SGCZ: variants seen among roughly 807,000 people sequenced by gnomAD.
SGCZ encodes zeta-sarcoglycan.
Under a neutral mutation model 41.3 loss-of-function variants are expected in SGCZ, and 40 were observed. That is an observed-to-expected ratio of 0.97 (90% CI 0.75 to 1.26). The LOEUF is 1.26. SGCZ is among the 50% of genes most tolerant of loss of function. The pLI is 0.00. For synonymous variants in SGCZ, 206 were observed against 137.5 expected, an observed-to-expected ratio of 1.50 and a Z score of -3.49; for missense variants, 552 against 369.8, an observed-to-expected ratio of 1.49 and a Z score of -4.04.
Position 14,237,651 on chromosome 8 carries a change from C to A in SGCZ, c.365G>T (p.Arg122Met), listed in dbSNP as rs1352310612. The A allele has an allele frequency of 1.2e-6, 2 of 1,613,828 alleles. No individual in the cohort carries two copies. Among genetic ancestry groups the A allele is most frequent in the Non-Finnish European group, 1.7e-6 (2 of 1,179,864 alleles). The change falls in exon 4 of 8, where the codon AGG (arginine) becomes ATG (methionine). Residue 122 changes from arginine to methionine, a missense_variant. Arg to Met is a moderately conservative substitution (Grantham distance 91). Transcript: ENST00000382080. ...KDSPLVLQSD[R>M]NVTVNARNHM... Reference sequence around the variant, plus strand: ...ATTTCTTGCATTCACTGTGACATTCCTGTCAGACTGTAAGACCAGCGGACT... The same window carrying A: ...ATTTCTTGCATTCACTGTGACATTCATGTCAGACTGTAAGACCAGCGGACT...
At chr8:15,052,265 G>A (rs780807678) in intron 1 of SGCZ, among the ~76,000 whole-genome samples, 3 of 152,190 alleles carry the variant, frequency 2.0e-5, no homozygotes, top group African/African-American at 7.2e-5. Context: ...AGCTGTGAGG[G>A]CTTCATGGAG....
chr8:14,945,582 A>C lies in SGCZ; in HGVS notation c.39+292003T>G, dbSNP rs552832679. On this transcript the variant is annotated intron_variant, in intron 1 of 7. Coordinates refer to ENST00000382080, the MANE Select transcript of SGCZ (RefSeq NM_139167.4). ...TAAGGAATGGCTAGAAAGCTAGTAA[A>C]GCATTCTTTCTGGATATGTCTGTAA... is the stretch of plus-strand genomic sequence containing the variant. Among the ~76,000 whole-genome samples, 3 of 152,152 alleles carry C rather than the reference A, an allele frequency of 2.0e-5. No homozygotes were observed. The East Asian group carries it at 5.9e-4, about 30-fold the overall frequency.
intron 1 of SGCZ, among the ~76,000 whole-genome samples, chr8:14,574,782 G>T (rs993099022): frequency 1.3e-5 from 2 of 151,962 alleles, no homozygotes; most frequent in East Asian, 3.8e-4. Flanking sequence ...CCTTATCATG[G>T]GAAGGAAAGA....
At position 14,698,971 on chromosome 8, in the gene SGCZ, C is replaced by T. The variant is rs141940580; in HGVS notation, c.40-144045G>A. Reference sequence around the variant, plus strand: ...CCTGCTGCCATAAGTATATAAGATACGAAATAAAATACGGTAATAAACTAT... The same window carrying T: ...CCTGCTGCCATAAGTATATAAGATATGAAATAAAATACGGTAATAAACTAT... On this transcript the variant is annotated intron_variant, in intron 1 of 7. Transcript: ENST00000382080. Among the ~76,000 whole-genome samples the T allele has an allele frequency of 4.2e-3, 643 of 151,514 alleles. 3 individuals carry two copies. Among genetic ancestry groups the T allele is most frequent in the African/African-American group, 0.014 (578 of 41,326 alleles).
At chr8:14,822,073 TACAC>T (rs57337707) in intron 1 of SGCZ, among the ~76,000 whole-genome samples, 5,586 of 141,538 alleles carry the variant, frequency 0.039, 120 homozygotes, top group Non-Finnish European at 0.049. Context: ...CCCTAAAGAT[TACAC>T]ACACACACAC....
chr8:15,165,922 G>A (rs1799651888), intron 1 of SGCZ, among the ~76,000 whole-genome samples: 1 of 152,152 alleles, frequency 6.6e-6, no homozygotes, highest in African/African-American at 2.4e-5. Context: ...TTTTCCCAAG[G>A]TGTGAATCTT....
intron 1 of SGCZ, among the ~76,000 whole-genome samples, chr8:14,664,066 C>T (rs1447746717): frequency 1.3e-5 from 2 of 152,148 alleles, no homozygotes; most frequent in Non-Finnish European, 2.9e-5. Context: ...GAGCTAAGTG[C>T]TGTATTTTCA....
chr8:14,891,492 T>C (rs1805018263), intron 1 of SGCZ, among the ~76,000 whole-genome samples: 1 of 152,102 alleles, frequency 6.6e-6, no homozygotes, highest in African/African-American at 2.4e-5. Context: ...GGATAAAACA[T>C]TAGGATAATG....
intron 3 of SGCZ, among the ~76,000 whole-genome samples, chr8:14,296,847 C>A (rs1298788737): frequency 1.3e-5 from 2 of 151,980 alleles, no homozygotes; most frequent in African/African-American, 4.8e-5. Context: ...CTAGCCCAAG[C>A]ATATCATTAA....
chr8:15,099,032 T>C (rs964949138), intron 1 of SGCZ, among the ~76,000 whole-genome samples: 10 of 152,230 alleles, frequency 6.6e-5, no homozygotes, highest in Admixed American at 5.9e-4. Context: ...TACTCCAGCC[T>C]GAGTGACAGA....
At chr8:14,108,548 A>C (rs950466260) in intron 5 of SGCZ, among the ~76,000 whole-genome samples, 8 of 152,094 alleles carry the variant, frequency 5.3e-5, no homozygotes, top group African/African-American at 1.9e-4. Flanking sequence ...TGATAATACC[A>C]TCAGATCTCG....
chr8:14,869,867 T>C (rs918305246), intron 1 of SGCZ, among the ~76,000 whole-genome samples: 7 of 152,002 alleles, frequency 4.6e-5, no homozygotes, highest in African/African-American at 1.7e-4. Context: ...GAATCCAACT[T>C]ACAAGGAATG....
intron 1 of SGCZ, among the ~76,000 whole-genome samples, chr8:15,069,655 G>T (rs180828272): frequency 2.0e-5 from 3 of 152,068 alleles, no homozygotes; most frequent in Non-Finnish European, 2.9e-5. Flanking sequence ...TTTGCTTACC[G>T]CATATGACTT....
At chr8:14,836,558 G>T (rs951334625) in intron 1 of SGCZ, among the ~76,000 whole-genome samples, 13 of 152,162 alleles carry the variant, frequency 8.5e-5, no homozygotes, top group African/African-American at 1.2e-4. Flanking sequence ...GATTGCAGTG[G>T]CATGATCTTG....
At chr8:14,423,321 A>G (rs1296350552) in intron 2 of SGCZ, among the ~76,000 whole-genome samples, 1 of 143,312 alleles carries the variant, frequency 7.0e-6, no homozygotes, top group African/African-American at 2.4e-5. Context: ...ATAATAATAA[A>G]AAAAGAAAAA....
intron 1 of SGCZ, among the ~76,000 whole-genome samples, chr8:15,196,894 G>C (rs887042508): frequency 6.6e-6 from 1 of 152,216 alleles, no homozygotes; most frequent in Non-Finnish European, 1.5e-5. Flanking sequence ...CACGGTTGTT[G>C]CTGGTTGGCA....
chr8:14,450,002 G>C (rs1377794696), intron 2 of SGCZ, among the ~76,000 whole-genome samples: 1 of 152,142 alleles, frequency 6.6e-6, no homozygotes, highest in Non-Finnish European at 1.5e-5. Flanking sequence ...ATAATGCAAT[G>C]TAATATGATC....
At chr8:14,198,817 C>A (rs566316067) in intron 4 of SGCZ, among the ~76,000 whole-genome samples, 1 of 152,284 alleles carries the variant, frequency 6.6e-6, no homozygotes, top group East Asian at 1.9e-4. Flanking sequence ...GTCTTTACTG[C>A]AATCTCTGAA....
intron 1 of SGCZ, among the ~76,000 whole-genome samples, chr8:14,652,454 T>C (rs1807437316): frequency 6.6e-6 from 1 of 151,918 alleles, no homozygotes; most frequent in Non-Finnish European, 1.5e-5. Context: ...CAATTAAGTA[T>C]TTCCCAGTTA....
Sources: gnomAD v4.1 joint callset for allele counts (sites outside exome capture counted in the v4.1 genomes callset) on GRCh38, gnomAD v4.1.1 for gene constraint, MANE v1.5 for transcripts, NCBI Gene and HGNC (gene_info 2026-07-23, HGNC 2026-07-21) for gene names.